The following MALRD1 variants were observed in gnomAD, a reference collection of about 807,000 sequenced individuals.
The protein encoded by MALRD1 is MAM and LDL-receptor class A domain-containing protein 1.
In MALRD1, 247 loss-of-function variants were observed where a neutral mutation model predicts 242.1. That is an observed-to-expected ratio of 1.02 (90% confidence interval 0.92 to 1.13). MALRD1 has a LOEUF of 1.13. Ranked by LOEUF, MALRD1 falls within the 50% of genes most tolerant of loss-of-function variation. MALRD1 has a pLI of 0.00. For synonymous variants in MALRD1, 995 were observed against 866.6 expected (o/e 1.15, Z -2.60); for missense variants, 2,989 against 2,533.1 (o/e 1.18, Z -3.86).
intron 26 of MALRD1, among the ~76,000 whole-genome samples, chr10:19,366,179 A>G (rs1028337295): frequency 2.0e-5 from 3 of 151,856 alleles, no homozygotes; most frequent in African/African-American, 4.8e-5. Context: ...GCAACTTACC[A>G]TAATGTAGAA....
chr10:19,213,726 G>T (rs145931666), intron 18 of MALRD1, among the ~76,000 whole-genome samples: 229 of 152,272 alleles, frequency 1.5e-3, no homozygotes, highest in African/African-American at 4.9e-3. Flanking sequence ...GCTAAATTGT[G>T]TCTGGATGTC....
At chr10:19,230,009 G>T (rs898467289) in intron 18 of MALRD1, among the ~76,000 whole-genome samples, 4 of 152,094 alleles carry the variant, frequency 2.6e-5, no homozygotes. Context: ...TGTTCTAGTG[G>T]TAGTGAATAA....
chr10:19,634,834 A>G (rs1840059774), intron 36 of MALRD1, among the ~76,000 whole-genome samples: 2 of 152,160 alleles, frequency 1.3e-5, no homozygotes, highest in South Asian at 4.1e-4. Context: ...AACAACAACA[A>G]CAAAGCTAAA....
At chr10:19,234,736 T>C (rs144896710) in intron 18 of MALRD1, among the ~76,000 whole-genome samples, 3 of 152,294 alleles carry the variant, frequency 2.0e-5, no homozygotes, top group Non-Finnish European at 4.4e-5. Flanking sequence ...GGTGGAGATA[T>C]TAACACAAAT....
intron 21 of MALRD1, among the ~76,000 whole-genome samples, chr10:19,284,134 T>A (rs965735356): frequency 6.6e-6 from 1 of 152,226 alleles, no homozygotes; most frequent in Admixed American, 6.5e-5. Flanking sequence ...ATAACAAATG[T>A]AATATTTTTC....
rs1835411291 is a variant in MALRD1 at position 19,734,374 on chromosome 10, A to G, written c.*137A>G. On this transcript the variant is annotated 3_prime_UTR_variant, in exon 40 of 40. Coordinates refer to ENST00000454679, the MANE Select transcript of MALRD1 (RefSeq NM_001142308.3). The stretch of plus-strand genomic sequence containing the variant: ...TGCCAGTGTAATTATAACATTTATG[A>G]ATGAATTTTCTTGCAGAATATAGAG... 1 of 679,826 alleles carries G rather than the reference A, an allele frequency of 1.5e-6. No homozygotes were observed. Among genetic ancestry groups the G allele is most frequent in the East Asian group, 2.9e-5 (1 of 33,910 alleles). 42.1% of individuals were successfully genotyped at this position (679,826 alleles called of 1,614,324 possible).
chr10:19,306,938 A>G (rs1842237945), intron 21 of MALRD1, among the ~76,000 whole-genome samples: 2 of 151,386 alleles, frequency 1.3e-5, no homozygotes, highest in Non-Finnish European at 3.0e-5. Context: ...TCCCTCCCAA[A>G]GCATGTGGGG....
intron 13 of MALRD1, among the ~76,000 whole-genome samples, chr10:19,172,085 A>G (rs1835033873): frequency 7.2e-6 from 1 of 138,634 alleles, no homozygotes; most frequent in East Asian, 2.1e-4. Context: ...CATATATCAC[A>G]TATGTGTATA....
At chr10:19,231,604 G>A (rs193125856) in intron 18 of MALRD1, among the ~76,000 whole-genome samples, 4 of 151,448 alleles carry the variant, frequency 2.6e-5, no homozygotes, top group Non-Finnish European at 5.9e-5. Flanking sequence ...TTTAAAATGG[G>A]AGTTTCCCTA....
At chr10:19,091,468 A>T in intron 4 of MALRD1, among the ~76,000 whole-genome samples, 1 of 32,326 alleles carries the variant, frequency 3.1e-5, no homozygotes, top group Non-Finnish European at 5.5e-5. Context: ...TGTCTATTTG[A>T]TTCTTCTCTC....
At chr10:19,693,518 G>A (rs990738168) in intron 38 of MALRD1, among the ~76,000 whole-genome samples, 56 of 152,060 alleles carry the variant, frequency 3.7e-4, no homozygotes, top group Non-Finnish European at 6.3e-4. Flanking sequence ...CAACTTACAA[G>A]GGATGTGAAG....
rs537310573 is a variant in MALRD1 at position 19,475,490 on chromosome 10, A to G, written c.5030-16027A>G. On this transcript the variant is annotated intron_variant, in intron 29 of 39. Coordinates refer to ENST00000454679, the MANE Select transcript of MALRD1 (RefSeq NM_001142308.3). ...TTAACAATTACAAAATAAAGAATAT[A>G]AGGTAAAAATATTAATCTTGAGTCC... Among the ~76,000 whole-genome samples, 12 of 152,346 alleles carry G rather than the reference A, an allele frequency of 7.9e-5. No homozygotes were observed. In the South Asian group the frequency reaches 2.5e-3, roughly 32 times the overall value.
chr10:19,155,019 A>G, intron 11 of MALRD1, 56 bp from the exon 12 acceptor site: 1 of 975,014 alleles, frequency 1.0e-6, no homozygotes, highest in African/African-American at 1.7e-5. Flanking sequence ...GGAGCAAAGA[A>G]CAGCTAAGTG....
chr10:19,692,387 T>A (rs1301529370), intron 37 of MALRD1, 26 bp downstream of exon 37: 2 of 1,532,714 alleles, frequency 1.3e-6, no homozygotes, highest in Non-Finnish European at 1.7e-6. Context: ...ACTAAATAAA[T>A]GGCTTGGTTT....
At chr10:19,095,808 C>G (rs182578923) in intron 4 of MALRD1, among the ~76,000 whole-genome samples, 18 of 152,306 alleles carry the variant, frequency 1.2e-4, no homozygotes, top group Admixed American at 9.8e-4. Context: ...TTCCCTGTGT[C>G]TGCTTGTTGT....
At position 19,187,864 on chromosome 10, in the gene MALRD1, C is replaced by T. The variant is rs1007955742; in HGVS notation, c.1951+12536C>T. On this transcript the variant is annotated intron_variant, in intron 14 of 39. Coordinates refer to ENST00000454679, the MANE Select transcript of MALRD1 (RefSeq NM_001142308.3). ...TACCTATTGGGTACTGTGCTCACTACCTGGGTTATGGGATCTGTACTCCAA... is the reference window on the plus strand; with the variant it reads ...TACCTATTGGGTACTGTGCTCACTATCTGGGTTATGGGATCTGTACTCCAA... 3.3e-5 allele frequency among the ~76,000 whole-genome samples: 5 copies of T among 152,278 alleles called. No individual in the cohort carries two copies. The East Asian group carries it at 9.7e-4, about 29-fold the overall frequency.
chr10:19,523,943 G>T (rs1489645555), intron 31 of MALRD1, among the ~76,000 whole-genome samples: 1 of 152,090 alleles, frequency 6.6e-6, no homozygotes, highest in Non-Finnish European at 1.5e-5. Context: ...TCTCAAAAGA[G>T]ATTAATGCCT....
chr10:19,241,726 C>T (rs887666501), intron 18 of MALRD1, among the ~76,000 whole-genome samples: 9 of 152,048 alleles, frequency 5.9e-5, no homozygotes, highest in East Asian at 3.9e-4. Context: ...GCTTTTGCTA[C>T]GTTCCATAGG....
intron 29 of MALRD1, among the ~76,000 whole-genome samples, chr10:19,464,350 A>C (rs1668216351): frequency 6.6e-6 from 1 of 152,166 alleles, no homozygotes; most frequent in Non-Finnish European, 1.5e-5. Context: ...CAGGTCTTAG[A>C]TTTAAGTCCT....
Sources: gnomAD v4.1 joint callset for allele counts (sites outside exome capture counted in the v4.1 genomes callset) on GRCh38, gnomAD v4.1.1 for gene constraint, MANE v1.5 for transcripts, NCBI Gene and HGNC (gene_info 2026-07-23, HGNC 2026-07-21) for gene names.